Variants in TRPM3 observed in about 807,000 individuals in gnomAD.
TRPM3 encodes the protein long transient receptor potential channel 3.
In TRPM3, 77 loss-of-function variants were observed where a neutral mutation model predicts 181.2. That is an observed-to-expected ratio of 0.42 (90% confidence interval 0.35 to 0.51). The LOEUF is 0.51. Among genes scored for constraint, TRPM3 ranks in the 20% least tolerant of loss-of-function variants. TRPM3 has a pLI of 0.01. For synonymous variants in TRPM3, 745 were observed against 796.4 expected, an observed-to-expected ratio of 0.94 and a Z score of 1.09; for missense variants, 1,759 against 2,196.7, an observed-to-expected ratio of 0.80 and a Z score of 3.98.
chr9:70,871,734 T>G (rs1463813067), intron 1 of TRPM3, among the ~76,000 whole-genome samples: 1 of 152,024 alleles, frequency 6.6e-6, no homozygotes, highest in African/African-American at 2.4e-5. Context: ...CAGGGTATAT[T>G]ATCAACCTGT....
At chr9:71,097,071 C>T (rs1218313552) in intron 1 of TRPM3, among the ~76,000 whole-genome samples, 8 of 151,978 alleles carry the variant, frequency 5.3e-5, no homozygotes, top group African/African-American at 1.2e-4. Context: ...ATGTCCTTCC[C>T]GACTCTGGCA....
At chr9:71,216,377 G>A (rs1019811848) in intron 1 of TRPM3, among the ~76,000 whole-genome samples, 2 of 152,176 alleles carry the variant, frequency 1.3e-5, no homozygotes, top group African/African-American at 4.8e-5. Flanking sequence ...GAGAGGCAAA[G>A]GAATCAAAGA....
intron 1 of TRPM3, among the ~76,000 whole-genome samples, chr9:71,286,987 AAT>A (rs1170105235): frequency 4.2e-5 from 6 of 142,624 alleles, no homozygotes; most frequent in Non-Finnish European, 9.1e-5. Context: ...TATATTATAT[AAT>A]TATATTATAT....
At chr9:71,343,103 G>A (rs2091068900) in intron 1 of TRPM3, among the ~76,000 whole-genome samples, 2 of 152,018 alleles carry the variant, frequency 1.3e-5, no homozygotes, top group African/African-American at 4.8e-5. Flanking sequence ...AGTAGGGAAG[G>A]GAGGGGGGTA....
intron 12 of TRPM3, among the ~76,000 whole-genome samples, chr9:70,629,258 G>A (rs1441950021): frequency 8.5e-6 from 1 of 117,348 alleles, no homozygotes; most frequent in Non-Finnish European, 1.7e-5. Flanking sequence ...ACAAGGGGGC[G>A]ATATTCACCT....
intron 5 of TRPM3, among the ~76,000 whole-genome samples, chr9:70,840,251 C>T (rs756837945): frequency 2.6e-5 from 4 of 152,116 alleles, no homozygotes; most frequent in Non-Finnish European, 5.9e-5. Flanking sequence ...TAGGTATATT[C>T]TAGTTCCCTA....
chr9:71,372,267 C>T (rs941030360), intron 1 of TRPM3, among the ~76,000 whole-genome samples: 10 of 152,170 alleles, frequency 6.6e-5, no homozygotes. Context: ...CATGACTTTG[C>T]TATTGTAAAT....
At chr9:70,940,819 C>G (rs2096878811) in intron 1 of TRPM3, among the ~76,000 whole-genome samples, 1 of 152,048 alleles carries the variant, frequency 6.6e-6, no homozygotes, top group Non-Finnish European at 1.5e-5. Flanking sequence ...GGTTAAATGC[C>G]TTGAGGAGAG....
chr9:71,229,407 G>C (rs2080902116), intron 1 of TRPM3, among the ~76,000 whole-genome samples: 1 of 152,050 alleles, frequency 6.6e-6, no homozygotes, highest in South Asian at 2.1e-4. Flanking sequence ...ATTAAACTTG[G>C]CAAAGGTTTC....
intron 9 of TRPM3, among the ~76,000 whole-genome samples, chr9:70,653,677 C>CAAA (rs71507003): frequency 9.7e-5 from 10 of 103,118 alleles, no homozygotes; most frequent in East Asian, 5.6e-4. Context: ...CTTCCTGTCT[C>CAAA]AAAAAAAAAA....
chr9:71,148,887 AATAAT>A (rs768474270), intron 1 of TRPM3, among the ~76,000 whole-genome samples: 2 of 152,184 alleles, frequency 1.3e-5, no homozygotes, highest in East Asian at 3.9e-4. Flanking sequence ...AAAAAGGAAA[AATAAT>A]ATAAGTATCA....
intron 1 of TRPM3, among the ~76,000 whole-genome samples, chr9:71,333,509 T>C (rs1450172670): frequency 6.6e-6 from 1 of 152,022 alleles, no homozygotes; most frequent in Non-Finnish European, 1.5e-5. Context: ...TTTGCTTTGA[T>C]AAGGCAAACT....
intron 9 of TRPM3, among the ~76,000 whole-genome samples, chr9:70,663,609 G>T (rs942272829): frequency 5.9e-5 from 9 of 152,030 alleles, no homozygotes; most frequent in South Asian, 2.1e-4. Flanking sequence ...TTATATTATG[G>T]TCTCTACTTC....
At chr9:71,160,157 T>C (rs2076209865) in intron 1 of TRPM3, among the ~76,000 whole-genome samples, 1 of 152,154 alleles carries the variant, frequency 6.6e-6, no homozygotes, top group African/African-American at 2.4e-5. Context: ...ACTCTTTTCC[T>C]GGAGCATTCT....
intron 1 of TRPM3, among the ~76,000 whole-genome samples, chr9:71,401,120 C>T (rs1391094444): frequency 6.7e-6 from 1 of 149,600 alleles, no homozygotes; most frequent in African/African-American, 2.5e-5. Context: ...ATCACTTGAA[C>T]CTGGGAGACA....
chr9:71,156,409 A>ACG (rs1769777431), intron 1 of TRPM3, among the ~76,000 whole-genome samples: 1 of 148,158 alleles, frequency 6.7e-6, no homozygotes, highest in Non-Finnish European at 1.5e-5. Context: ...ACACACACAC[A>ACG]CACACACACA....
intron 8 of TRPM3, among the ~76,000 whole-genome samples, chr9:70,744,908 T>C (rs17055722): frequency 0.037 from 5,594 of 152,224 alleles, 360 homozygotes; most frequent in African/African-American, 0.13. Flanking sequence ...AAGATGCTCT[T>C]GGTTTAAGTA....
chr9:71,396,123 G>C, intron 1 of TRPM3, among the ~76,000 whole-genome samples: 1 of 152,300 alleles, frequency 6.6e-6, no homozygotes, highest in Non-Finnish European at 1.5e-5. Context: ...AAGCAGGCAA[G>C]TGACAAACAC....
chr9:71,270,359 A>C (rs2083699273), intron 1 of TRPM3, among the ~76,000 whole-genome samples: 1 of 152,170 alleles, frequency 6.6e-6, no homozygotes, highest in Admixed American at 6.5e-5. Flanking sequence ...TCAAAAACAA[A>C]CAAACAATAA....
Sources: allele counts gnomAD v4.1 joint callset (sites outside exome capture counted in the v4.1 genomes callset), GRCh38; gene constraint gnomAD v4.1.1; transcripts MANE v1.5; gene names NCBI Gene and HGNC (gene_info 2026-07-23, HGNC 2026-07-21).